Variants in ROBO1 observed in about 807,000 individuals in gnomAD.
The protein encoded by ROBO1 is roundabout guidance receptor 1.
Under a neutral mutation model 195.9 loss-of-function variants are expected in ROBO1, and 149 were observed. The ratio of observed to expected loss-of-function variants is 0.76; its 90% confidence interval spans 0.67 to 0.87. The LOEUF is 0.87. ROBO1 is among the 40% of genes least tolerant of loss of function. The pLI is 0.00. For missense variants in ROBO1, 1,933 were observed against 2,068.3 expected, an observed-to-expected ratio of 0.93 and a Z score of 1.27; for synonymous variants, 816 against 733.2, an observed-to-expected ratio of 1.11 and a Z score of -1.82.
At chr3:78,708,682 C>T (rs1363612631) in intron 8 of ROBO1, among the ~76,000 whole-genome samples, 1 of 152,106 alleles carries the variant, frequency 6.6e-6, no homozygotes, top group Non-Finnish European at 1.5e-5. Context: ...TTCAATGACA[C>T]GCTGTTTAAA....
intron 4 of ROBO1, among the ~76,000 whole-genome samples, chr3:78,750,146 T>G (rs1576082891): frequency 6.6e-6 from 1 of 151,956 alleles, no homozygotes; most frequent in Non-Finnish European, 1.5e-5. Context: ...CCTAGAAGGT[T>G]TTTTCTTTAA....
At chr3:79,282,717 A>C (rs1241012849) in intron 2 of ROBO1, among the ~76,000 whole-genome samples, 1 of 152,202 alleles carries the variant, frequency 6.6e-6, no homozygotes, top group Non-Finnish European at 1.5e-5. Context: ...TCTGCCTCAG[A>C]GGATATGGCT....
At chr3:79,465,949 T>A (rs1261834155) in intron 2 of ROBO1, among the ~76,000 whole-genome samples, 2 of 152,088 alleles carry the variant, frequency 1.3e-5, no homozygotes, top group African/African-American at 4.8e-5. Flanking sequence ...TTCATTTTTC[T>A]TATGGTCATT....
intron 3 of ROBO1, among the ~76,000 whole-genome samples, chr3:78,955,088 A>T (rs1217764373): frequency 6.7e-6 from 1 of 148,380 alleles, no homozygotes; most frequent in Non-Finnish European, 1.5e-5. Context: ...TGGGGGTTAT[A>T]CAGGTAAACT....
intron 2 of ROBO1, among the ~76,000 whole-genome samples, chr3:79,201,084 T>A (rs1559731210): frequency 6.6e-6 from 1 of 151,938 alleles, no homozygotes; most frequent in Non-Finnish European, 1.5e-5. Flanking sequence ...TATCCTTTAC[T>A]TATTCTTCTC....
chr3:78,937,969 C>T (rs919114825), intron 4 of ROBO1: 6 of 148,204 alleles, frequency 4.0e-5, no homozygotes, highest in African/African-American at 1.5e-4. Flanking sequence ...TCATATGTAG[C>T]TATGGATAAG....
chr3:78,907,328 A>G (rs773305157), intron 4 of ROBO1, among the ~76,000 whole-genome samples: 23 of 152,156 alleles, frequency 1.5e-4, no homozygotes, highest in Non-Finnish European at 3.1e-4. Flanking sequence ...CTCTGAAAAT[A>G]CTATGAATGA....
chr3:79,359,273 A>C (rs188522572), intron 2 of ROBO1, among the ~76,000 whole-genome samples: 75 of 152,120 alleles, frequency 4.9e-4, no homozygotes, highest in Non-Finnish European at 1.5e-5. Context: ...AACATCAAAA[A>C]CATACCTCAC....
intron 2 of ROBO1, among the ~76,000 whole-genome samples, chr3:79,195,752 G>GT (rs1481528215): frequency 6.6e-6 from 1 of 150,788 alleles, no homozygotes; most frequent in East Asian, 1.9e-4. Context: ...TTACTTCTTT[G>GT]TTTTTTTCAG....
intron 10 of ROBO1, among the ~76,000 whole-genome samples, chr3:78,683,938 T>C (rs542413680): frequency 1.3e-5 from 2 of 152,140 alleles, no homozygotes; most frequent in South Asian, 4.1e-4. Context: ...GCAAAATTAA[T>C]TACTTAATCC....
Position 78,921,800 on chromosome 3 carries a change from T to A in ROBO1, c.499+16801A>T, listed in dbSNP as rs907258228. ...GAAACAGCTCTAACAATCCTTTTTT[T>A]TTTTTTTGAAACAGAATCTTGCTCT... On this transcript the variant is annotated intron_variant, in intron 4 of 30. Coordinates refer to ENST00000464233, the MANE Select transcript of ROBO1 (RefSeq NM_002941.4). 7.2e-5 allele frequency among the ~76,000 whole-genome samples: 11 copies of A among 152,046 alleles called. No individual in the cohort carries two copies. In the East Asian group the frequency reaches 1.5e-3, roughly 21 times the overall value.
intron 1 of ROBO1, among the ~76,000 whole-genome samples, chr3:79,723,575 T>A (rs982856855): frequency 2.0e-5 from 3 of 152,178 alleles, no homozygotes; most frequent in African/African-American, 7.2e-5. Flanking sequence ...TTATGCTTGA[T>A]ATGATTTAAC....
At chr3:79,103,674 A>G (rs1412023518) in intron 3 of ROBO1, among the ~76,000 whole-genome samples, 1 of 151,768 alleles carries the variant, frequency 6.6e-6, no homozygotes, top group Non-Finnish European at 1.5e-5. Context: ...AAATTTTATC[A>G]CATCTAAAGT....
chr3:78,982,608 TG>T lies in ROBO1; in HGVS notation c.173-43682del, dbSNP rs1162300993. ...ACATTGTAAAAGTAAGCCCCATAGC[TG>T]CCTTTTTGTAAATTTTACTTTTTTC... On this transcript the variant is annotated intron_variant, in intron 3 of 30. Transcript: ENST00000464233. 1.6e-4 allele frequency among the ~76,000 whole-genome samples: 24 copies of T among 152,302 alleles called. 1 individual carries two copies. The Middle Eastern group carries it at 0.017, about 108-fold the overall frequency.
intron 4 of ROBO1, among the ~76,000 whole-genome samples, chr3:78,815,897 G>A (rs185219407): frequency 6.6e-6 from 1 of 151,972 alleles, no homozygotes; most frequent in Admixed American, 6.6e-5. Flanking sequence ...CCAAACTCCT[G>A]GTAATGTTGA....
chr3:78,602,895 G>A (rs750001733), intron 29 of ROBO1, among the ~76,000 whole-genome samples: 14 of 152,052 alleles, frequency 9.2e-5, no homozygotes, highest in Admixed American at 3.3e-4. Context: ...ATTAAGATAC[G>A]CAAGACAGAA....
intron 4 of ROBO1, among the ~76,000 whole-genome samples, chr3:78,803,365 C>A (rs926406045): frequency 6.6e-6 from 1 of 152,074 alleles, no homozygotes; most frequent in Non-Finnish European, 1.5e-5. Context: ...CACCACATAC[C>A]CCATACCTGA....
intron 2 of ROBO1, among the ~76,000 whole-genome samples, chr3:79,583,107 G>A (rs1943711101): frequency 6.6e-6 from 1 of 151,878 alleles, no homozygotes; most frequent in African/African-American, 2.4e-5. Flanking sequence ...TAACGTGTAT[G>A]TTTTCTCCTC....
At chr3:79,386,981 T>C (rs1204066738) in intron 2 of ROBO1, among the ~76,000 whole-genome samples, 2 of 152,178 alleles carry the variant, frequency 1.3e-5, no homozygotes, top group African/African-American at 4.8e-5. Context: ...TATGTCAGAA[T>C]GGTGACTTGT....
Sources: allele counts gnomAD v4.1 joint callset (sites outside exome capture counted in the v4.1 genomes callset), GRCh38; gene constraint gnomAD v4.1.1; transcripts MANE v1.5; gene names NCBI Gene and HGNC (gene_info 2026-07-23, HGNC 2026-07-21).